Variants in MEF2C observed in about 807,000 individuals in gnomAD.
MEF2C encodes the protein myocyte-specific enhancer factor 2C.
A neutral mutation model predicts 50.5 loss-of-function variants in MEF2C; 6 were observed. The observed-to-expected ratio is 0.12, with a 90% CI of 0.07 to 0.23. The LOEUF (loss-of-function observed/expected upper bound fraction) is 0.23, where lower values mean the gene tolerates loss of function less well. MEF2C is among the 10% of genes least tolerant of loss of function. The pLI is 1.00. For synonymous variants in MEF2C, 183 were observed against 228.0 expected, an observed-to-expected ratio of 0.80 and a Z score of 1.78; for missense variants, 276 against 605.0, an observed-to-expected ratio of 0.46 and a Z score of 5.70.
chr5:88,785,029 T>C (rs1790143333), intron 3 of MEF2C, among the ~76,000 whole-genome samples: 2 of 152,158 alleles, frequency 1.3e-5, no homozygotes, highest in Non-Finnish European at 2.9e-5. Flanking sequence ...GAAGAGTCGA[T>C]GTACACAGAT....
chr5:88,837,810 G>A (rs751757657), intron 1 of MEF2C, among the ~76,000 whole-genome samples: 1 of 152,080 alleles, frequency 6.6e-6, no homozygotes, highest in African/African-American at 2.4e-5. Context: ...TTAAGACTAA[G>A]GTTTCATTAT....
chr5:88,835,528 C>T (rs1814726878), intron 1 of MEF2C, among the ~76,000 whole-genome samples: 1 of 151,850 alleles, frequency 6.6e-6, no homozygotes, highest in Non-Finnish European at 1.5e-5. Flanking sequence ...GAAAAAAATA[C>T]AGGCCTGGCG....
chr5:88,850,227 A>T (rs1054650756), intron 1 of MEF2C, among the ~76,000 whole-genome samples: 9 of 152,188 alleles, frequency 5.9e-5, no homozygotes, highest in Non-Finnish European at 1.0e-4. Flanking sequence ...TGACTGTAAA[A>T]GCTTAAAAAG....
rs1264829627 is a variant in MEF2C at position 88,719,834 on chromosome 5, G to C, written c.*2770C>G. ...TAAGAATTCAGTAGTGGGAACAAGA[G>C]ATGACTGGCATCCATTTTCAAGTGA... is the stretch of plus-strand genomic sequence containing the variant. On this transcript the variant is annotated 3_prime_UTR_variant, in exon 11 of 11. Transcript: ENST00000504921. The C allele has an allele frequency of 6.6e-6, 1 of 152,198 alleles. No homozygotes were observed. The highest frequency in any genetic ancestry group is 1.9e-4 in the East Asian group (1 of 5,196). 9.4% of individuals were successfully genotyped at this position (152,198 alleles called of 1,614,324 possible). A position where few individuals can be genotyped will look rare whatever the true frequency, so the allele number is the denominator to read the frequency against.
At chr5:88,783,639 T>A (rs1488197759) in intron 3 of MEF2C, among the ~76,000 whole-genome samples, 6 of 151,818 alleles carry the variant, frequency 4.0e-5, no homozygotes, top group African/African-American at 1.2e-4. Context: ...TCAAAAAAAA[T>A]AAAATAAAAT....
chr5:88,739,752 A>C, intron 6 of MEF2C: 1 of 984,764 alleles, frequency 1.0e-6, no homozygotes, highest in Non-Finnish European at 1.2e-6. Context: ...TTGAGAAAAA[A>C]AGATATTTTA....
chr5:88,755,861 T>G (rs546609029), intron 4 of MEF2C, among the ~76,000 whole-genome samples: 3 of 152,348 alleles, frequency 2.0e-5, no homozygotes, highest in South Asian at 4.1e-4. Flanking sequence ...GGATTATTAA[T>G]AATTATGTAA....
rs1379960917 is a variant in MEF2C, at chr5:88,731,911, A to T, written c.638-10T>A. 1 of 1,603,284 alleles carries T rather than the reference A, an allele frequency of 6.2e-7. No individual in the cohort carries two copies. Among genetic ancestry groups the T allele is most frequent in the African/African-American group, 1.3e-5 (1 of 74,534 alleles). On this transcript the variant is annotated splice_polypyrimidine_tract_variant and intron_variant, in intron 6 of 10. Coordinates refer to ENST00000504921, the MANE Select transcript of MEF2C (RefSeq NM_002397.5). Reference sequence around the variant, plus strand: ...TTGCCATACCCGTTCCCTGTTAACAAAAAACAATAAAGCATTTAGGAAGAA... The same window carrying T: ...TTGCCATACCCGTTCCCTGTTAACATAAAACAATAAAGCATTTAGGAAGAA...
At chr5:88,849,394 T>C (rs1820485183) in intron 1 of MEF2C, among the ~76,000 whole-genome samples, 1 of 152,078 alleles carries the variant, frequency 6.6e-6, no homozygotes, top group South Asian at 2.1e-4. Context: ...AACTTATTTG[T>C]TAAAAATAAA....
rs139737866 is a variant in MEF2C at position 88,763,104 on chromosome 5, T to C, written c.259-1776A>G. ...ATATCTGGGATACACAGTGGCTCTG[T>C]AAATATTTATTAATGTTATAGTGGT... On this transcript the variant is annotated intron_variant, in intron 3 of 10. Transcript: ENST00000504921. Among the ~76,000 whole-genome samples, 698 of 152,342 alleles carry C rather than the reference T, an allele frequency of 4.6e-3. 2 individuals are homozygous for C. Among genetic ancestry groups the C allele is most frequent in the African/African-American group, 0.016 (672 of 41,576 alleles).
At chr5:88,774,075 T>A (rs1783654657) in intron 3 of MEF2C, among the ~76,000 whole-genome samples, 1 of 152,176 alleles carries the variant, frequency 6.6e-6, no homozygotes, top group Non-Finnish European at 1.5e-5. Context: ...AACCAGGATG[T>A]ACTCTCTAGT....
chr5:88,900,186 A>G (rs4446500), intron 1 of MEF2C, among the ~76,000 whole-genome samples: 33,991 of 151,766 alleles, frequency 0.22, 4,096 homozygotes, highest in Non-Finnish European at 0.29. Flanking sequence ...GACCTTGACC[A>G]GATCAATATA....
At position 88,721,979 on chromosome 5, in the gene MEF2C, T is replaced by A. The variant is rs1311837447; in HGVS notation, c.*625A>T. 6.6e-6 allele frequency: 1 copy of A among 152,664 alleles called. No individual in the cohort carries two copies. Among genetic ancestry groups the A allele is most frequent in the Non-Finnish European group, 1.5e-5 (1 of 68,038 alleles). The allele number at this position is 152,664 out of a possible 1,614,324, so 9.5% of individuals were successfully genotyped here. On this transcript the variant is annotated 3_prime_UTR_variant, in exon 11 of 11. Coordinates refer to ENST00000504921, the MANE Select transcript of MEF2C (RefSeq NM_002397.5). ...ATGCAGACCCAGATTTATTTATTTA[T>A]TTAATTAAATATGTTAGCCCTCCAA...
At chr5:88,871,396 A>G (rs940529628) in intron 1 of MEF2C, among the ~76,000 whole-genome samples, 4 of 151,882 alleles carry the variant, frequency 2.6e-5, no homozygotes, top group African/African-American at 9.7e-5. Context: ...GGCGTCCTTG[A>G]TTGCAGTGTT....
At chr5:88,791,192 A>G (rs556693149) in intron 3 of MEF2C, among the ~76,000 whole-genome samples, 1 of 152,316 alleles carries the variant, frequency 6.6e-6, no homozygotes, top group South Asian at 2.1e-4. Flanking sequence ...CAAGTTCCAT[A>G]TGCCATGAAA....
At chr5:88,841,091 C>T (rs975506473) in intron 1 of MEF2C, among the ~76,000 whole-genome samples, 2 of 152,162 alleles carry the variant, frequency 1.3e-5, no homozygotes, top group Non-Finnish European at 2.9e-5. Context: ...TGGTTCCCAG[C>T]GTCATCCTTC....
intron 1 of MEF2C, among the ~76,000 whole-genome samples, chr5:88,865,014 T>A (rs1207685139): frequency 3.3e-5 from 5 of 151,852 alleles, no homozygotes; most frequent in African/African-American, 1.2e-4. Flanking sequence ...ATGATCCACC[T>A]GCCTCCGAAA....
At chr5:88,731,367 T>C (rs187274430) in intron 7 of MEF2C, 11 of 178,174 alleles carry the variant, frequency 6.2e-5, no homozygotes, top group Admixed American at 2.9e-4. Flanking sequence ...AATACTATGT[T>C]ATAAAGTACC....
intron 6 of MEF2C, chr5:88,743,363 C>T: frequency 1.0e-6 from 1 of 985,182 alleles, no homozygotes; most frequent in South Asian, 4.7e-5. Flanking sequence ...TCTTTCTGGC[C>T]AATAAGAAAG....
Sources: gnomAD v4.1 joint callset for allele counts (sites outside exome capture counted in the v4.1 genomes callset) on GRCh38, gnomAD v4.1.1 for gene constraint, MANE v1.5 for transcripts, NCBI Gene and HGNC (gene_info 2026-07-23, HGNC 2026-07-21) for gene names.